PRKCE: variants seen among roughly 807,000 people sequenced by gnomAD.
The protein encoded by PRKCE is protein kinase C epsilon type.
PRKCE carries 16 observed loss-of-function variants against 85.4 expected under a neutral mutation model. The ratio of observed to expected loss-of-function variants is 0.19; its 90% confidence interval spans 0.13 to 0.28. The LOEUF is 0.28. PRKCE is among the 10% of genes least tolerant of loss of function. The pLI, the probability that PRKCE is intolerant of heterozygous loss-of-function variation, is 1.00. For missense variants in PRKCE, 573 were observed against 975.2 expected (o/e 0.59, Z 5.49); for synonymous variants, 388 against 371.5 (o/e 1.04, Z -0.51).
At chr2:45,732,917 C>T (rs764642334) in intron 1 of PRKCE, among the ~76,000 whole-genome samples, 1 of 152,142 alleles carries the variant, frequency 6.6e-6, no homozygotes, top group Non-Finnish European at 1.5e-5. Flanking sequence ...TAATGGATGT[C>T]CTAGATCAAG....
At chr2:46,093,126 T>C (rs1296129927) in intron 11 of PRKCE, among the ~76,000 whole-genome samples, 1 of 152,170 alleles carries the variant, frequency 6.6e-6, no homozygotes, top group Non-Finnish European at 1.5e-5. Context: ...TAGAAAATGA[T>C]ATTTTGACAT....
intron 1 of PRKCE, among the ~76,000 whole-genome samples, chr2:45,709,295 G>A (rs1191563638): frequency 1.3e-5 from 2 of 152,252 alleles, no homozygotes; most frequent in Admixed American, 1.3e-4. Flanking sequence ...ACCAGGCCAA[G>A]ACCCATGCAC....
intron 2 of PRKCE, among the ~76,000 whole-genome samples, chr2:45,971,550 G>A (rs765368498): frequency 2.0e-5 from 3 of 152,176 alleles, no homozygotes; most frequent in Non-Finnish European, 4.4e-5. Context: ...TTAGTCATCT[G>A]TGTAACCAGG....
chr2:46,153,513 T>C (rs1676850243), intron 13 of PRKCE, among the ~76,000 whole-genome samples: 2 of 152,292 alleles, frequency 1.3e-5, no homozygotes, highest in Non-Finnish European at 2.9e-5. Context: ...GGGGTGCTCT[T>C]GAGTCTGGAA....
intron 1 of PRKCE, among the ~76,000 whole-genome samples, chr2:45,759,485 G>C (rs1684266654): frequency 6.6e-6 from 1 of 152,206 alleles, no homozygotes; most frequent in Admixed American, 6.5e-5. Flanking sequence ...CTCAGACCTT[G>C]AGAGACCAAG....
intron 2 of PRKCE, among the ~76,000 whole-genome samples, chr2:45,955,139 A>T (rs185585711): frequency 2.6e-5 from 4 of 152,246 alleles, no homozygotes; most frequent in Non-Finnish European, 4.4e-5. Context: ...TATCCAATTC[A>T]ATAGTAAAGA....
chr2:46,176,962 T>C (rs1298756452), intron 14 of PRKCE, among the ~76,000 whole-genome samples: 1 of 152,232 alleles, frequency 6.6e-6, no homozygotes, highest in African/African-American at 2.4e-5. Flanking sequence ...GCTTTACCTA[T>C]AACCCTCAGA....
chr2:45,987,855 A>C (rs1415295477), intron 6 of PRKCE, among the ~76,000 whole-genome samples: 3 of 152,192 alleles, frequency 2.0e-5, no homozygotes, highest in Non-Finnish European at 2.9e-5. Flanking sequence ...TTGGCCCTGT[A>C]GACTCCTTAC....
chr2:46,033,462 G>A (rs1574291128), intron 10 of PRKCE, among the ~76,000 whole-genome samples: 1 of 152,154 alleles, frequency 6.6e-6, no homozygotes, highest in South Asian at 2.1e-4. Context: ...GATCTCCCAG[G>A]GAGCCGGTTA....
chr2:46,065,325 A>T (rs1667535810), intron 10 of PRKCE, among the ~76,000 whole-genome samples: 1 of 152,064 alleles, frequency 6.6e-6, no homozygotes, highest in South Asian at 2.1e-4. Context: ...TTCTGACGGG[A>T]AACAGTTTTG....
intron 1 of PRKCE, among the ~76,000 whole-genome samples, chr2:45,721,043 G>A (rs1308635672): frequency 6.6e-6 from 1 of 152,118 alleles, no homozygotes; most frequent in Non-Finnish European, 1.5e-5. Context: ...GGAGGCAGAG[G>A]TTGCAGTGAG....
intron 1 of PRKCE, among the ~76,000 whole-genome samples, chr2:45,817,179 C>T (rs1689133162): frequency 6.6e-6 from 1 of 151,524 alleles, no homozygotes; most frequent in South Asian, 2.1e-4. Flanking sequence ...TGCCTGCAAC[C>T]CTAGGCCTTG....
chr2:45,869,033 T>A (rs1467439191), intron 2 of PRKCE, among the ~76,000 whole-genome samples: 1 of 152,078 alleles, frequency 6.6e-6, no homozygotes, highest in African/African-American at 2.4e-5. Context: ...CTGTGTGGTT[T>A]AAGCTGCGTG....
At chr2:45,734,675 C>G (rs1681893082) in intron 1 of PRKCE, among the ~76,000 whole-genome samples, 4 of 152,214 alleles carry the variant, frequency 2.6e-5, no homozygotes, top group Admixed American at 2.6e-4. Context: ...AACCCTGAGC[C>G]TGAGTGTAGG....
At chr2:46,114,143 C>T (rs1044623238) in intron 11 of PRKCE, among the ~76,000 whole-genome samples, 14 of 152,050 alleles carry the variant, frequency 9.2e-5, no homozygotes, top group Non-Finnish European at 1.9e-4. Context: ...CACAGAAGAA[C>T]CCTGCGGTTC....
chr2:45,930,491 C>T (rs1698960347), intron 2 of PRKCE, among the ~76,000 whole-genome samples: 1 of 152,224 alleles, frequency 6.6e-6, no homozygotes, highest in African/African-American at 2.4e-5. Flanking sequence ...ACCACTGTGC[C>T]TCCCACTGGT....
chr2:45,838,484 C>T (rs1691076195), intron 1 of PRKCE, among the ~76,000 whole-genome samples: 1 of 152,144 alleles, frequency 6.6e-6, no homozygotes, highest in African/African-American at 2.4e-5. Context: ...GGTGTCATTG[C>T]CCTTCTTTCA....
intron 10 of PRKCE, among the ~76,000 whole-genome samples, chr2:46,075,059 GAGACGGAGT>G (rs1329942914): frequency 6.6e-6 from 1 of 152,052 alleles, no homozygotes; most frequent in Admixed American, 6.5e-5. Context: ...TTCTTGTTTT[GAGACGGAGT>G]CTCGCCCTGT....
intron 1 of PRKCE, among the ~76,000 whole-genome samples, chr2:45,705,586 T>G (rs938537211): frequency 6.6e-6 from 1 of 152,220 alleles, no homozygotes; most frequent in African/African-American, 2.4e-5. Context: ...GGATTGTCTG[T>G]TTTTTTCCAC....
Sources: allele counts gnomAD v4.1 joint callset (sites outside exome capture counted in the v4.1 genomes callset), GRCh38; gene constraint gnomAD v4.1.1; transcripts MANE v1.5; gene names NCBI Gene and HGNC (gene_info 2026-07-23, HGNC 2026-07-21).